The following PHLDB2 variants were observed in gnomAD, a reference collection of about 807,000 sequenced individuals.
PHLDB2 encodes the protein pleckstrin homology-like domain family B member 2.
PHLDB2 carries 71 observed loss-of-function variants against 123.6 expected under a neutral mutation model. The ratio of observed to expected loss-of-function variants is 0.57; its 90% CI spans 0.47 to 0.70. The LOEUF (loss-of-function observed/expected upper bound fraction) is 0.70, where lower values mean the gene tolerates loss of function less well. Among genes scored for constraint, PHLDB2 ranks in the 30% least tolerant of loss-of-function variants. PHLDB2 has a pLI of 0.00. For missense variants in PHLDB2, 1,446 were observed against 1,519.5 expected, an observed-to-expected ratio of 0.95 and a Z score of 0.80; for synonymous variants, 547 against 541.6, an observed-to-expected ratio of 1.01 and a Z score of -0.14.
chr3:111,952,996 T>A (rs1577179054), intron 11 of PHLDB2, among the ~76,000 whole-genome samples: 1 of 152,182 alleles, frequency 6.6e-6, no homozygotes, highest in Admixed American at 6.5e-5. Context: ...GCATCCCACA[T>A]CTGGAGATAA....
At chr3:111,822,476 C>CAT (rs577423510) in intron 1 of PHLDB2, among the ~76,000 whole-genome samples, 79 of 152,176 alleles carry the variant, frequency 5.2e-4, no homozygotes, top group African/African-American at 1.8e-3. Flanking sequence ...TTTCAGTGAA[C>CAT]ATATAAAGTA....
chr3:111,802,464 C>T (rs1344878586), intron 1 of PHLDB2, among the ~76,000 whole-genome samples: 2 of 152,210 alleles, frequency 1.3e-5, no homozygotes, highest in Non-Finnish European at 2.9e-5. Context: ...TCCTATGATG[C>T]CTTGGCAGCA....
chr3:111,785,018 A>G (rs979209362), intron 1 of PHLDB2, among the ~76,000 whole-genome samples: 2 of 152,174 alleles, frequency 1.3e-5, no homozygotes, highest in Non-Finnish European at 2.9e-5. Context: ...AGCTTTGATC[A>G]TATATTTCCA....
At chr3:111,911,630 A>G (rs1279556011) in intron 2 of PHLDB2, 8 of 1,536,064 alleles carry the variant, frequency 5.2e-6, no homozygotes, top group African/African-American at 2.7e-5. Context: ...GAAGAGCCCA[A>G]GATGAGAGTG....
At chr3:111,962,681 C>CG (rs2107666237) in intron 13 of PHLDB2, among the ~76,000 whole-genome samples, 1 of 152,238 alleles carries the variant, frequency 6.6e-6, no homozygotes, top group South Asian at 2.1e-4. Context: ...GTAATCCCAG[C>CG]TACTTTGGGA....
chr3:111,919,121 T>C lies in PHLDB2; in HGVS notation c.1769T>C (p.Met590Thr), dbSNP rs1476753068. The change falls in exon 4 of 18, where the codon ATG (methionine) becomes ACG (threonine). Residue 590 changes from methionine to threonine, a missense_variant. Transcript: ENST00000431670. ...CAGAGATCTCAGGAGTTGGCTGCAATGGAAGAAACCCGGATAGTCATTCTG... is the reference window on the plus strand; with the variant it reads ...CAGAGATCTCAGGAGTTGGCTGCAACGGAAGAAACCCGGATAGTCATTCTG... ...EEQRSQELAA[M>T]EETRIVILNN... 3.1e-6 allele frequency: 5 copies of C among 1,613,954 alleles called. No individual in the cohort carries two copies. Among genetic ancestry groups the C allele is most frequent in the Non-Finnish European group, 3.4e-6 (4 of 1,179,924 alleles).
intron 1 of PHLDB2, among the ~76,000 whole-genome samples, chr3:111,860,295 T>A (rs1010487307): frequency 1.3e-5 from 2 of 152,178 alleles, no homozygotes; most frequent in African/African-American, 4.8e-5. Flanking sequence ...TCCACTTTCT[T>A]TCAAGAGTGA....
At chr3:111,776,769 G>A (rs1408748555) in intron 1 of PHLDB2, among the ~76,000 whole-genome samples, 2 of 152,064 alleles carry the variant, frequency 1.3e-5, no homozygotes, top group Non-Finnish European at 2.9e-5. Context: ...ACTTCCTTTA[G>A]ATTTGGCAAT....
At chr3:111,848,584 A>G (rs2064116207) in intron 2 of PHLDB2, among the ~76,000 whole-genome samples, 1 of 152,254 alleles carries the variant, frequency 6.6e-6, no homozygotes, top group Non-Finnish European at 1.5e-5. Context: ...AAACAGAGGA[A>G]GAGCCACAGA....
At chr3:111,773,409 G>T (rs2060211944) in intron 1 of PHLDB2, among the ~76,000 whole-genome samples, 1 of 152,180 alleles carries the variant, frequency 6.6e-6, no homozygotes, top group Admixed American at 6.5e-5. Context: ...TAGGCTTGAG[G>T]GGGTCCCTTA....
Position 111,953,978 on chromosome 3 carries a change from C to T in PHLDB2, c.2821C>T (p.Pro941Ser), listed in dbSNP as rs3749298. The T allele has an allele frequency of 0.077, 124,937 of 1,613,172 alleles. 5,679 individuals carry two copies. Among genetic ancestry groups the T allele is most frequent in the East Asian group, 0.2 (9,017 of 44,812 alleles). Residue 941 changes from proline (P) to serine (S), a missense_variant, in exon 12 of 18, where the codon CCC (proline) becomes TCC (serine). By Grantham distance (74) the Pro-to-Ser change is moderately conservative (BLOSUM62 -1). This residue lies in a region of PHLDB2 where 594 missense variants were observed against 646.0 expected (regional missense o/e 0.92). Transcript: ENST00000431670. ...TAACAGCTGTGGAAGTGTGCTCCCTCCCTCACTGGCAGCCATGGCCAAAGA... is the reference window on the plus strand; with the variant it reads ...TAACAGCTGTGGAAGTGTGCTCCCTTCCTCACTGGCAGCCATGGCCAAAGA... The part of the protein sequence containing the change: ...QSNSCGSVLP[P>S]SLAAMAKDSE...
chr3:111,878,880 C>A (rs1003694981), intron 1 of PHLDB2, among the ~76,000 whole-genome samples: 1 of 152,166 alleles, frequency 6.6e-6, no homozygotes, highest in Admixed American at 6.5e-5. Context: ...GTTGAACCAG[C>A]CTTGCATCCC....
chr3:111,953,684 C>A, intron 11 of PHLDB2: 1 of 386,382 alleles, frequency 2.6e-6, no homozygotes. Flanking sequence ...AGTGTCTTCC[C>A]CAGCTGTCTT....
intron 1 of PHLDB2, among the ~76,000 whole-genome samples, chr3:111,780,315 G>GAA (rs754733203): frequency 2.0e-4 from 1 of 4,960 alleles, no homozygotes; most frequent in African/African-American, 5.7e-4. Flanking sequence ...AAGAGGAAGA[G>GAA]GAAGAGGAAG....
intron 1 of PHLDB2, among the ~76,000 whole-genome samples, chr3:111,764,711 T>C (rs2060050965): frequency 6.6e-6 from 1 of 152,188 alleles, no homozygotes; most frequent in Admixed American, 6.5e-5. Flanking sequence ...GGGCACTGTT[T>C]CCATCATACT....
chr3:111,927,176 G>A (rs1172687059), intron 5 of PHLDB2, among the ~76,000 whole-genome samples: 1 of 152,082 alleles, frequency 6.6e-6, no homozygotes, highest in African/African-American at 2.4e-5. Context: ...CAGGGTTTAG[G>A]AACAGGAAGG....
At chr3:111,882,077 T>C (rs1350910871) in intron 1 of PHLDB2, among the ~76,000 whole-genome samples, 2 of 152,232 alleles carry the variant, frequency 1.3e-5, no homozygotes, top group Non-Finnish European at 2.9e-5. Context: ...CTTTTTATGC[T>C]ATAAAATGTA....
intron 1 of PHLDB2, among the ~76,000 whole-genome samples, chr3:111,792,985 A>G (rs2060991415): frequency 6.6e-6 from 1 of 152,174 alleles, no homozygotes; most frequent in Admixed American, 6.5e-5. Context: ...ACTGATTCAG[A>G]CCCAAAGCTA....
intron 10 of PHLDB2, among the ~76,000 whole-genome samples, chr3:111,952,208 A>G (rs895314701): frequency 2.0e-5 from 3 of 152,030 alleles, no homozygotes; most frequent in Non-Finnish European, 4.4e-5. Context: ...CTGTGTCATC[A>G]CACAGAACTG....
Sources: gnomAD v4.1 joint callset for allele counts (sites outside exome capture counted in the v4.1 genomes callset) on GRCh38, gnomAD v4.1.1 for gene constraint, gnomAD v4.1.1 regional missense constraint, MANE v1.5 for transcripts, NCBI Gene and HGNC (gene_info 2026-07-23, HGNC 2026-07-21) for gene names.